The following TRIM33 variants were observed in gnomAD, a reference collection of about 807,000 sequenced individuals.
TRIM33 encodes the protein tripartite motif containing 33, also known as E3 ubiquitin-protein ligase TRIM33.
TRIM33 carries 20 observed loss-of-function variants against 125.4 expected under a neutral mutation model. The ratio of observed to expected loss-of-function variants is 0.16; its 90% confidence interval spans 0.11 to 0.23. TRIM33 has a LOEUF of 0.23. TRIM33 is among the 10% of genes least tolerant of loss of function. TRIM33 has a pLI of 1.00. For synonymous variants in TRIM33, 564 were observed against 513.9 expected, an observed-to-expected ratio of 1.10 and a Z score of -1.32; for missense variants, 920 against 1,411.4, an observed-to-expected ratio of 0.65 and a Z score of 5.58.
In TRIM33 at chr1:114,394,979, A is replaced by C. The variant is rs1174322134; in HGVS notation, c.*2669T>G. Reference sequence around the variant, plus strand: ...TACTGCCATTTAAAAAACAAATACAAATGTGAGAGAGTATAAAAACAAACT... The same window carrying C: ...TACTGCCATTTAAAAAACAAATACACATGTGAGAGAGTATAAAAACAAACT... On this transcript the variant is annotated 3_prime_UTR_variant, in exon 20 of 20. Transcript: ENST00000358465. The C allele has an allele frequency of 5.1e-6, 1 of 195,320 alleles. No individual in the cohort carries two copies. Among genetic ancestry groups the C allele is most frequent in the Non-Finnish European group, 1.1e-5 (1 of 94,004 alleles). The allele number at this position is 195,320 out of a possible 1,614,324, so 12.1% of individuals were successfully genotyped here.
intron 1 of TRIM33, among the ~76,000 whole-genome samples, chr1:114,474,294 G>A (rs975026535): frequency 6.6e-6 from 1 of 151,902 alleles, no homozygotes. Flanking sequence ...CTGGAGTCTT[G>A]GTGCGGTGGC....
chr1:114,397,612 T>C lies in TRIM33; in HGVS notation c.*36A>G. The C allele has an allele frequency of 6.4e-6, 8 of 1,255,354 alleles. 1 individual carries two copies. Among genetic ancestry groups the C allele is most frequent in the Non-Finnish European group, 8.9e-6 (8 of 897,376 alleles). The allele number at this position is 1,255,354 out of a possible 1,614,324, so 77.8% of individuals were successfully genotyped here. On this transcript the variant is annotated 3_prime_UTR_variant, in exon 20 of 20. Transcript: ENST00000358465. ...GTGTTTTTTTTTTTTTTTTCGTTTT[T>C]TTTTTTTTAAACAATTGATTTAAAT... is the stretch of plus-strand genomic sequence containing the variant.
chr1:114,420,372 G>T (rs1653201586), intron 11 of TRIM33: 1 of 1,328,276 alleles, frequency 7.5e-7, no homozygotes, highest in Non-Finnish European at 1.0e-6. Flanking sequence ...GAACAACAAA[G>T]ATCTAACCAC....
chr1:114,488,436 A>G (rs183062703), intron 1 of TRIM33, among the ~76,000 whole-genome samples: 1 of 152,182 alleles, frequency 6.6e-6, no homozygotes. Context: ...CTATTAATAC[A>G]AGAAGCTTCA....
At position 114,463,151 on chromosome 1, in the gene TRIM33, A is replaced by G. The variant is rs765005983; in HGVS notation, c.876T>C (p.Asp292=). ...EQLKLFCETC[D]RLTCRDCQLL... ...GCTGACAGTCTCTACATGTCAATCTATCACATGTTTCACAGAAAAGTTTCA... is the reference window on the plus strand; with the variant it reads ...GCTGACAGTCTCTACATGTCAATCTGTCACATGTTTCACAGAAAAGTTTCA... Residue 292 remains aspartate (D), a synonymous_variant, in exon 4 of 20, where the codon GAT becomes GAC. Transcript: ENST00000358465. 1 of 1,612,964 alleles carries G rather than the reference A, an allele frequency of 6.2e-7. No homozygotes were observed. Among genetic ancestry groups the G allele is most frequent in the East Asian group, 2.2e-5 (1 of 44,826 alleles).
At chr1:114,497,003 T>G (rs1652407727) in intron 1 of TRIM33, among the ~76,000 whole-genome samples, 1 of 152,234 alleles carries the variant, frequency 6.6e-6, no homozygotes, top group African/African-American at 2.4e-5. Context: ...CAAAACAAAA[T>G]GTACTCTGCT....
chr1:114,436,861 C>A (rs1442456914), intron 4 of TRIM33, among the ~76,000 whole-genome samples: 1 of 152,192 alleles, frequency 6.6e-6, no homozygotes, highest in African/African-American at 2.4e-5. Context: ...ACTATGATTT[C>A]TCTACATCCA....
At chr1:114,409,835 G>A (rs941763265) in intron 12 of TRIM33, among the ~76,000 whole-genome samples, 3 of 152,170 alleles carry the variant, frequency 2.0e-5, no homozygotes, top group Admixed American at 6.5e-5. Context: ...GAGAAAAGTA[G>A]ATTATATTCC....
intron 18 of TRIM33, 64 bp from the exon 19 acceptor site, chr1:114,398,054 A>G (rs1651652924): frequency 6.4e-7 from 1 of 1,565,804 alleles, no homozygotes; most frequent in African/African-American, 1.4e-5. Flanking sequence ...AAGTTATGAG[A>G]CTGCATAGGA....
At chr1:114,480,014 T>C (rs1051612492) in intron 1 of TRIM33, among the ~76,000 whole-genome samples, 2 of 152,116 alleles carry the variant, frequency 1.3e-5, no homozygotes, top group African/African-American at 4.8e-5. Flanking sequence ...GCCATGATGA[T>C]GATGGCGGTT....
intron 11 of TRIM33, among the ~76,000 whole-genome samples, 187 bp downstream of exon 11, chr1:114,421,249 G>T (rs970599738): frequency 1.3e-5 from 2 of 152,060 alleles, no homozygotes; most frequent in African/African-American, 4.8e-5. Context: ...GGGGAATGCG[G>T]AAAGAGAGGA....
At position 114,510,714 on chromosome 1, in the gene TRIM33, G is replaced by C. The variant is rs1235257386; in HGVS notation, c.363C>G (p.Leu121=). 2 of 1,538,344 alleles carry C rather than the reference G, an allele frequency of 1.3e-6. No homozygotes were observed. The highest frequency in any genetic ancestry group is 1.7e-6 in the Non-Finnish European group (2 of 1,147,558). Residue 121 remains leucine, a synonymous_variant, in exon 1 of 20, where the codon CTC becomes CTG. Coordinates refer to ENST00000358465, the MANE Select transcript of TRIM33 (RefSeq NM_015906.4). ...GCTGACACACGGCGCAGGTGTCCAG[G>C]AGCGAGGCTGGCGGTCCAGGAGGCG... ...AGPPPGPPAS[L]LDTCAVCQQS... is the part of the protein sequence containing the mutation.
Position 114,392,908 on chromosome 1 carries a change from T to C in TRIM33, c.*4740A>G. 1 of 195,068 alleles carries C rather than the reference T, an allele frequency of 5.1e-6. No homozygotes were observed. The allele number at this position is 195,068 out of a possible 1,614,324, so 12.1% of individuals were successfully genotyped here. ...TCCAGAGCATTATAACAAGAATTAT[T>C]TACAGGCAGCTAATGTATTAAATAA... On this transcript the variant is annotated 3_prime_UTR_variant, in exon 20 of 20. Transcript: ENST00000358465.
intron 11 of TRIM33, among the ~76,000 whole-genome samples, chr1:114,415,425 C>T (rs572366816): frequency 6.6e-6 from 1 of 152,112 alleles, no homozygotes; most frequent in East Asian, 1.9e-4. Context: ...CCTTTCATGC[C>T]CTTTGTTGCT....
rs1176311121 is a variant in TRIM33 at position 114,478,056 on chromosome 1, G to GA, written c.527-13669dup. Among the ~76,000 whole-genome samples the GA allele has an allele frequency of 2.0e-5, 3 of 152,222 alleles. No individual in the cohort carries two copies. In the South Asian group the frequency reaches 6.2e-4, roughly 32 times the overall value. ...TAAAACTGTACAAAACTGTCACAAA[G>GA]AAAAAAAGCAAACAACGAATTCAGA... On this transcript the variant is annotated intron_variant, in intron 1 of 19. Coordinates refer to ENST00000358465, the MANE Select transcript of TRIM33 (RefSeq NM_015906.4).
At position 114,420,629 on chromosome 1, in the gene TRIM33, A is replaced by G. The variant is rs1286648124; in HGVS notation, c.2061+807T>C. Among the ~76,000 whole-genome samples the G allele has an allele frequency of 2.0e-5, 3 of 152,212 alleles. No homozygotes were observed. The East Asian group carries it at 5.8e-4, about 29-fold the overall frequency. ...AGCTAAATAACTTTTCAAGACTCAA[A>G]TATTTATACTTAACTCTTTTTTGTT... On this transcript the variant is annotated intron_variant, in intron 11 of 19. Coordinates refer to ENST00000358465, the MANE Select transcript of TRIM33 (RefSeq NM_015906.4).
chr1:114,460,375 A>C (rs1314468340), intron 4 of TRIM33: 2 of 153,844 alleles, frequency 1.3e-5, no homozygotes, highest in Non-Finnish European at 2.9e-5. Context: ...AAGTAATCTT[A>C]TATACAAACT....
chr1:114,442,115 G>C (rs1428171787), intron 4 of TRIM33, among the ~76,000 whole-genome samples: 1 of 152,144 alleles, frequency 6.6e-6, no homozygotes, highest in African/African-American at 2.4e-5. Flanking sequence ...TTATTGTATA[G>C]CTATCACCTA....
At chr1:114,456,480 T>C (rs1451412091) in intron 4 of TRIM33, among the ~76,000 whole-genome samples, 2 of 152,168 alleles carry the variant, frequency 1.3e-5, no homozygotes, top group Non-Finnish European at 1.5e-5. Context: ...AGTTCCGCCA[T>C]AGCATCAGCA....
Sources: allele counts gnomAD v4.1 joint callset (sites outside exome capture counted in the v4.1 genomes callset), GRCh38; gene constraint gnomAD v4.1.1; transcripts MANE v1.5; gene names NCBI Gene and HGNC (gene_info 2026-07-23, HGNC 2026-07-21).